The following SPECC1L variants were observed in gnomAD, a reference collection of about 807,000 sequenced individuals.
The protein encoded by SPECC1L is sperm antigen with calponin homology and coiled-coil domains 1 like.
Under a neutral mutation model 116.8 loss-of-function variants are expected in SPECC1L, and 40 were observed. The observed-to-expected ratio is 0.34, with a 90% CI of 0.27 to 0.45. The LOEUF is 0.45. SPECC1L is among the 20% of genes least tolerant of loss of function. SPECC1L has a pLI of 1.00. For synonymous variants in SPECC1L, 504 were observed against 500.6 expected (o/e 1.01, Z -0.09); for missense variants, 1,110 against 1,373.6 (o/e 0.81, Z 3.03).
chr22:24,403,236 T>C (rs2146787225), intron 14 of SPECC1L, among the ~76,000 whole-genome samples: 1 of 152,304 alleles, frequency 6.6e-6, no homozygotes, highest in Non-Finnish European at 1.5e-5. Context: ...TTCTGGCACA[T>C]GTCATCTCTC....
At chr22:24,275,230 T>C (rs1175243150) in intron 1 of SPECC1L, among the ~76,000 whole-genome samples, 1 of 152,250 alleles carries the variant, frequency 6.6e-6, no homozygotes, top group East Asian at 1.9e-4. Context: ...TTGACTCTGC[T>C]GGGGTGCTGG....
chr22:24,338,513 TCAGAATCTG>T, intron 10 of SPECC1L, 36 bp downstream of exon 10: 9 of 1,594,540 alleles, frequency 5.6e-6, no homozygotes, highest in Non-Finnish European at 7.7e-6. Context: ...TCTTAGAGCC[TCAGAATCTG>T]AAAGTTGAGG....
chr22:24,309,690 C>T (rs1439342671), intron 3 of SPECC1L, among the ~76,000 whole-genome samples: 2 of 152,170 alleles, frequency 1.3e-5, no homozygotes, highest in Non-Finnish European at 2.9e-5. Flanking sequence ...TGAGCCACTG[C>T]AACCGGCCTG....
At chr22:24,339,649 C>T (rs779997035) in intron 10 of SPECC1L, among the ~76,000 whole-genome samples, 2 of 152,244 alleles carry the variant, frequency 1.3e-5, no homozygotes, top group Non-Finnish European at 2.9e-5. Flanking sequence ...CTGGCTGCAC[C>T]TCTTCCCTAA....
At chr22:24,390,863 TTTTC>T (rs1330229685) in intron 14 of SPECC1L, among the ~76,000 whole-genome samples, 888 of 71,022 alleles carry the variant, frequency 0.013, 1 homozygote, top group East Asian at 0.02. Context: ...TTTTTTTTTT[TTTTC>T]TTTTCTTTTT....
chr22:24,315,813 T>C (rs2040551386), intron 4 of SPECC1L, among the ~76,000 whole-genome samples: 2 of 152,204 alleles, frequency 1.3e-5, no homozygotes, highest in Non-Finnish European at 2.9e-5. Context: ...AAGTCTGAAA[T>C]GAGGGTGTTA....
intron 11 of SPECC1L, among the ~76,000 whole-genome samples, chr22:24,361,287 G>T (rs1297815937): frequency 1.3e-5 from 2 of 152,174 alleles, no homozygotes; most frequent in African/African-American, 4.8e-5. Flanking sequence ...CCCTTCAAGA[G>T]GCTGAGGTGG....
intron 10 of SPECC1L, among the ~76,000 whole-genome samples, chr22:24,346,309 T>C (rs546941902): frequency 6.3e-4 from 96 of 152,256 alleles, no homozygotes; most frequent in African/African-American, 2.0e-3. Context: ...CTGGCCGTGG[T>C]GGATTCTTCT....
intron 1 of SPECC1L, 146 bp from the exon 2 acceptor site, chr22:24,276,554 G>T (rs1248991380): frequency 2.1e-5 from 6 of 288,256 alleles, no homozygotes; most frequent in Non-Finnish European, 4.1e-5. Context: ...AATCTCTTGA[G>T]CCTAGGAGTT....
chr22:24,327,259 C>T, intron 6 of SPECC1L, among the ~76,000 whole-genome samples: 2 of 108,014 alleles, frequency 1.9e-5, no homozygotes. Context: ...GCCTGGGCAA[C>T]AGATTGAGAC....
chr22:24,321,315 C>CT lies in SPECC1L; in HGVS notation c.337dup (p.Ser113PhefsTer4). 1 of 1,614,172 alleles carries CT rather than the reference C, an allele frequency of 6.2e-7. No individual in the cohort carries two copies. Among genetic ancestry groups the CT allele is most frequent in the Non-Finnish European group, 8.5e-7 (1 of 1,180,036 alleles). On this transcript the variant is annotated frameshift_variant, in exon 5 of 17. Transcript: ENST00000314328. LOFTEE classifies it high-confidence loss of function. ...ACAGCTTCTTCAACCAAGCGGAGCA[C>CT]TTCTACAGGTAATAAAGAATCCAGT... is the stretch of plus-strand genomic sequence containing the variant.
At chr22:24,347,645 T>C (rs1202275683) in intron 11 of SPECC1L, among the ~76,000 whole-genome samples, 1 of 152,222 alleles carries the variant, frequency 6.6e-6, no homozygotes, top group East Asian at 1.9e-4. Flanking sequence ...AGCAACTCTT[T>C]GGAGCCCTTG....
chr22:24,344,353 AAC>A (rs2041245566), intron 10 of SPECC1L, among the ~76,000 whole-genome samples: 1 of 152,134 alleles, frequency 6.6e-6, no homozygotes, highest in African/African-American at 2.4e-5. Flanking sequence ...TAAAAAAAAA[AAC>A]ATTAATCTCA....
chr22:24,360,191 T>C (rs142508705), intron 11 of SPECC1L, among the ~76,000 whole-genome samples: 4 of 152,352 alleles, frequency 2.6e-5, no homozygotes, highest in African/African-American at 7.2e-5. Context: ...ACTAATCTTA[T>C]TTCCTGAAGA....
At chr22:24,336,870 A>G (rs1363979871) in intron 9 of SPECC1L, among the ~76,000 whole-genome samples, 1 of 152,216 alleles carries the variant, frequency 6.6e-6, no homozygotes, top group Non-Finnish European at 1.5e-5. Context: ...ACTTTACAGT[A>G]GTGCCAGCGA....
intron 4 of SPECC1L, among the ~76,000 whole-genome samples, chr22:24,314,886 A>G (rs1223080308): frequency 6.6e-6 from 1 of 152,252 alleles, no homozygotes; most frequent in Non-Finnish European, 1.5e-5. Context: ...TCTGATGATC[A>G]GTGCCTAGAT....
chr22:24,369,187 A>C (rs199967266), intron 13 of SPECC1L, 31 bp from the exon 14 acceptor site: 233 of 1,551,322 alleles, frequency 1.5e-4, no homozygotes, highest in Non-Finnish European at 2.0e-4. Flanking sequence ...CCAAACAAAA[A>C]ATATTTCAAC....
intron 2 of SPECC1L, among the ~76,000 whole-genome samples, chr22:24,285,997 ATTGT>A (rs1264695627): frequency 6.6e-6 from 1 of 152,252 alleles, no homozygotes; most frequent in African/African-American, 2.4e-5. Flanking sequence ...CTTAAAAGCG[ATTGT>A]TTATTTAAGC....
chr22:24,361,656 TGTG>T (rs1396816807), intron 11 of SPECC1L, among the ~76,000 whole-genome samples: 1 of 150,750 alleles, frequency 6.6e-6, no homozygotes, highest in Non-Finnish European at 1.5e-5. Flanking sequence ...ATTAGTCAGG[TGTG>T]GTGGCTCACA....
Sources: allele counts gnomAD v4.1 joint callset (sites outside exome capture counted in the v4.1 genomes callset), GRCh38; gene constraint gnomAD v4.1.1; transcripts MANE v1.5; gene names NCBI Gene and HGNC (gene_info 2026-07-23, HGNC 2026-07-21).